PRTN3: variants seen among roughly 807,000 people sequenced by gnomAD.
PRTN3 encodes the protein proteinase 3, also known as myeloblastin.
Under a neutral mutation model 20.7 loss-of-function variants are expected in PRTN3, and 22 were observed. That is an observed-to-expected ratio of 1.06 (90% CI 0.76 to 1.52). The LOEUF is 1.52. PRTN3 is among the 40% of genes most tolerant of loss of function. PRTN3 has a pLI of 0.00. For missense variants in PRTN3, 378 were observed against 359.6 expected (o/e 1.05, Z -0.41); for synonymous variants, 173 against 152.9 (o/e 1.13, Z -0.97).
Position 842,048 on chromosome 19 carries a change from C to G in PRTN3, c.61+979C>G, listed in dbSNP as rs527832481. On this transcript the variant is annotated intron_variant, in intron 1 of 4. Transcript: ENST00000234347. ...GGCCCTTTTTTTTTCTTTTTTGAAA[C>G]GGAATCTTGCTCTGTCGCCCAGGCT... 6.6e-5 allele frequency among the ~76,000 whole-genome samples: 10 copies of G among 150,780 alleles called. No individual in the cohort carries two copies. In the South Asian group the frequency reaches 2.1e-3, roughly 32 times the overall value.
At chr19:842,412 G>GGTTT (rs2035457143) in intron 1 of PRTN3, among the ~76,000 whole-genome samples, 2 of 77,396 alleles carry the variant, frequency 2.6e-5, no homozygotes, top group Non-Finnish European at 4.8e-5. Context: ...CTGCGCCCAG[G>GGTTT]ATTTTTTTTT....
chr19:841,307 C>T (rs879441467), intron 1 of PRTN3, among the ~76,000 whole-genome samples: 1 of 152,246 alleles, frequency 6.6e-6, no homozygotes, highest in East Asian at 1.9e-4. Context: ...AAAACCCAGC[C>T]CTTCCCTCCT....
chr19:846,399 C>T, intron 4 of PRTN3, 22 bp downstream of exon 4: 2 of 1,543,526 alleles, frequency 1.3e-6, no homozygotes, highest in Non-Finnish European at 1.7e-6. Context: ...TGCCCCCACC[C>T]CGGGCACCGG....
chr19:846,447 A>G, intron 4 of PRTN3, 70 bp downstream of exon 4: 2 of 1,419,300 alleles, frequency 1.4e-6, no homozygotes, highest in South Asian at 2.5e-5. Context: ...CCAGGGTTCC[A>G]CGCCACCTCT....
rs757255257 is a variant in PRTN3 at position 847,790 on chromosome 19, G to T, written c.601-9G>T. 3.1e-6 allele frequency: 5 copies of T among 1,602,624 alleles called. No homozygotes were observed. The Admixed American group carries it at 6.8e-5, about 22-fold the overall frequency. ...CCCTGATGGGTGACTGGCCGTCCCT[G>T]TCCTCCAGGGAGACTCAGGTGGCCC... On this transcript the variant is annotated splice_polypyrimidine_tract_variant and intron_variant, in intron 4 of 4. Coordinates refer to ENST00000234347, the MANE Select transcript of PRTN3 (RefSeq NM_002777.4).
intron 3 of PRTN3, among the ~76,000 whole-genome samples, chr19:844,959 T>TA (rs1335658773): frequency 6.7e-6 from 1 of 149,736 alleles, no homozygotes; most frequent in Non-Finnish European, 1.5e-5. Context: ...TTTTTTTTTT[T>TA]TTTTTTTAGA....
intron 3 of PRTN3, 111 bp downstream of exon 3, chr19:844,145 G>A (rs1406619910): frequency 2.2e-6 from 3 of 1,379,196 alleles, no homozygotes; most frequent in South Asian, 2.9e-5. Context: ...GGCCACGACC[G>A]AGGCCGCTGC....
intron 2 of PRTN3, 42 bp downstream of exon 2, chr19:843,668 T>A (rs763307014): frequency 1.8e-5 from 28 of 1,540,488 alleles, no homozygotes; most frequent in Admixed American, 5.7e-5. Context: ...CGCCCCGCCC[T>A]CTTCCTCCAG....
intron 1 of PRTN3, 27 bp downstream of exon 1, chr19:841,096 C>T: frequency 6.2e-7 from 1 of 1,601,270 alleles, no homozygotes; most frequent in Non-Finnish European, 8.5e-7. Flanking sequence ...CCCATCCATC[C>T]AGCCTCCAGG....
intron 1 of PRTN3, among the ~76,000 whole-genome samples, chr19:842,741 C>T (rs2035462497): frequency 6.6e-6 from 1 of 151,690 alleles, no homozygotes; most frequent in South Asian, 2.1e-4. Flanking sequence ...GCACGTGCCA[C>T]CACGCCCAGC....
intron 3 of PRTN3, among the ~76,000 whole-genome samples, chr19:844,339 CCCTCTCCCCTGCCCGCG>C (rs1338815003): frequency 3.2e-4 from 19 of 60,102 alleles, no homozygotes; most frequent in Non-Finnish European, 5.5e-4. Flanking sequence ...CCTTGCCCGC[CCCTCTCCCCTGCCCGCG>C]CCTCTCCCCT....
intron 3 of PRTN3, among the ~76,000 whole-genome samples, chr19:845,544 T>A (rs1331400301): frequency 6.6e-6 from 1 of 151,676 alleles, no homozygotes; most frequent in Non-Finnish European, 1.5e-5. Context: ...GCAAACCCCG[T>A]GTCTACTAAA....
At chr19:843,215 C>T (rs530994876) in intron 1 of PRTN3, 9 of 532,134 alleles carry the variant, frequency 1.7e-5, no homozygotes, top group Non-Finnish European at 2.7e-5. Flanking sequence ...TGCACCCAGC[C>T]ACCTGGTCTG....
intron 1 of PRTN3, 138 bp downstream of exon 1, chr19:841,207 T>A (rs1392773278): frequency 3.2e-5 from 37 of 1,167,456 alleles, no homozygotes; most frequent in Non-Finnish European, 4.3e-5. Context: ...CTCCACTCAC[T>A]GCTCGGGACC....
At chr19:847,545 AAGAAAAAGAAAG>A (rs1355402833) in intron 4 of PRTN3, among the ~76,000 whole-genome samples, 1 of 134,732 alleles carries the variant, frequency 7.4e-6, no homozygotes, top group Non-Finnish European at 1.6e-5. Flanking sequence ...GAAAGAAAGA[AAGAAAAAGAAAG>A]AGAGAGAGAG....
intron 1 of PRTN3, among the ~76,000 whole-genome samples, chr19:842,301 G>T (rs2035454497): frequency 6.8e-6 from 1 of 146,772 alleles, no homozygotes; most frequent in Non-Finnish European, 1.5e-5. Flanking sequence ...CTGCAAAATG[G>T]GTCTCTTTGT....
rs2035433035 is a variant in PRTN3 at position 841,165 on chromosome 19, A to G, written c.61+96A>G. 2.7e-6 allele frequency: 4 copies of G among 1,476,364 alleles called. No individual in the cohort carries two copies. The South Asian group carries it at 4.9e-5, about 18-fold the overall frequency. The allele number at this position is 1,476,364 out of a possible 1,614,324, so 91.5% of individuals were successfully genotyped here. A position where few individuals can be genotyped will look rare whatever the true frequency, so the allele number is the denominator to read the frequency against. On this transcript the variant is annotated intron_variant, in intron 1 of 4. Coordinates refer to ENST00000234347, the MANE Select transcript of PRTN3 (RefSeq NM_002777.4). ...GGTCCATCCAAAGCCCTTCTGGCAC[A>G]GCTGGGGAAACTGAGGCAGGGTCAG...
intron 3 of PRTN3, 134 bp from the exon 4 acceptor site, chr19:846,013 G>C (rs540584852): frequency 3.5e-6 from 2 of 572,736 alleles, no homozygotes; most frequent in Non-Finnish European, 5.9e-6. Flanking sequence ...AAAGGGGGTC[G>C]TGGGGCCCAG....
At chr19:841,292 C>T (rs778584890) in intron 1 of PRTN3, among the ~76,000 whole-genome samples, 2 of 152,232 alleles carry the variant, frequency 1.3e-5, no homozygotes, top group African/African-American at 2.4e-5. Context: ...ATCTGTAAAA[C>T]GGGCAAAACC....
Sources: gnomAD v4.1 joint callset for allele counts (sites outside exome capture counted in the v4.1 genomes callset) on GRCh38, gnomAD v4.1.1 for gene constraint, MANE v1.5 for transcripts, NCBI Gene and HGNC (gene_info 2026-07-23, HGNC 2026-07-21) for gene names.